KRIT1: variants seen among roughly 807,000 people sequenced by gnomAD.
KRIT1 encodes krev interaction trapped protein 1.
In KRIT1, 45 loss-of-function variants were observed where a neutral mutation model predicts 95.8. That is an observed-to-expected ratio of 0.47 (90% CI 0.37 to 0.60). The LOEUF (loss-of-function observed/expected upper bound fraction) is 0.60, where lower values mean the gene tolerates loss of function less well. Among genes scored for constraint, KRIT1 ranks in the 20% least tolerant of loss-of-function variants. The probability of loss-of-function intolerance (pLI) is 0.00; values close to 1 mark genes in which losing one functional copy is unlikely to be tolerated. For synonymous variants in KRIT1, 282 were observed against 278.8 expected (o/e 1.01, Z -0.11); for missense variants, 788 against 877.5 (o/e 0.90, Z 1.29).
intron 14 of KRIT1, among the ~76,000 whole-genome samples, chr7:92,218,595 G>A (rs1364953034): frequency 6.6e-6 from 1 of 152,000 alleles, no homozygotes; most frequent in African/African-American, 2.4e-5. Context: ...GCCCAGGCAT[G>A]TCTCAAATTC....
intron 12 of KRIT1, among the ~76,000 whole-genome samples, chr7:92,223,472 C>T (rs1297282740): frequency 1.3e-5 from 2 of 151,356 alleles, no homozygotes; most frequent in Non-Finnish European, 2.9e-5. Flanking sequence ...ATTTTACTTC[C>T]ATTACTTGTA....
intron 17 of KRIT1, among the ~76,000 whole-genome samples, chr7:92,209,214 CATAT>C (rs552815229): frequency 2.4e-4 from 37 of 151,722 alleles, no homozygotes; most frequent in African/African-American, 8.0e-4. Flanking sequence ...AAAGGCCATA[CATAT>C]ATGACAAACC....
chr7:92,204,911 T>C (rs114368355), intron 17 of KRIT1, among the ~76,000 whole-genome samples: 3,661 of 152,252 alleles, frequency 0.024, 160 homozygotes, highest in African/African-American at 0.084. Context: ...TTCCACCCTA[T>C]GTTCCTAGAT....
At chr7:92,224,009 A>G (rs958296392) in intron 12 of KRIT1, among the ~76,000 whole-genome samples, 2 of 152,248 alleles carry the variant, frequency 1.3e-5, no homozygotes, top group Non-Finnish European at 2.9e-5. Flanking sequence ...GAAGTATAAC[A>G]TAAGGGTACC....
intron 14 of KRIT1, among the ~76,000 whole-genome samples, chr7:92,215,925 G>A (rs531017842): frequency 5.9e-5 from 9 of 152,114 alleles, no homozygotes; most frequent in Non-Finnish European, 1.2e-4. Context: ...ACGATCCCAA[G>A]CTTGAATAAA....
chr7:92,213,781 T>C (rs1412425264), intron 16 of KRIT1, 111 bp downstream of exon 16: 1 of 725,062 alleles, frequency 1.4e-6, no homozygotes, highest in Non-Finnish European at 2.5e-6. Context: ...GAAGATACAT[T>C]TTTAATTTCA....
intron 10 of KRIT1, among the ~76,000 whole-genome samples, chr7:92,231,729 T>G (rs1408900126): frequency 1.3e-5 from 2 of 152,184 alleles, no homozygotes; most frequent in African/African-American, 4.8e-5. Flanking sequence ...AAATGAGGCA[T>G]CCAACTAATA....
chr7:92,200,925 G>A (rs933535672), intron 18 of KRIT1, 121 bp from the exon 19 acceptor site: 3 of 738,702 alleles, frequency 4.1e-6, no homozygotes, highest in Admixed American at 4.1e-5. Context: ...GAGACAGCTT[G>A]TTAAGAGAGA....
intron 17 of KRIT1, among the ~76,000 whole-genome samples, chr7:92,211,452 G>C (rs1035291605): frequency 6.6e-6 from 1 of 152,108 alleles, no homozygotes; most frequent in African/African-American, 2.4e-5. Flanking sequence ...TCTCATATAC[G>C]TGAGACGTTG....
In KRIT1 at chr7:92,234,464, A is replaced by G; in HGVS notation, c.974T>C (p.Ile325Thr). 1 of 1,606,444 alleles carries G rather than the reference A, an allele frequency of 6.2e-7. No individual in the cohort carries two copies. Among genetic ancestry groups the G allele is most frequent in the Non-Finnish European group, 8.5e-7 (1 of 1,172,962 alleles). Residue 325 changes from isoleucine to threonine, a missense_variant, in exon 10 of 19, where the codon ATT (isoleucine) becomes ACT (threonine). Ile to Thr is a moderately conservative substitution (Grantham distance 89). Transcript: ENST00000394505. ...NQLDSDHWAP[I>T]HYACWYGKVE... ...TTCCATTTACCAGCATGCATAATGA[A>G]TGGGTGCCCAGTGGTCACTATCTAA...
At chr7:92,208,134 G>A (rs1012989351) in intron 17 of KRIT1, among the ~76,000 whole-genome samples, 9 of 151,812 alleles carry the variant, frequency 5.9e-5, no homozygotes, top group Admixed American at 6.6e-5. Flanking sequence ...AATTAAGAAG[G>A]AAATAAAAAA....
In KRIT1 at chr7:92,225,744, C is replaced by T; in HGVS notation, c.1230G>A (p.Leu410=). The T allele has an allele frequency of 6.3e-7, 1 of 1,597,842 alleles. No individual in the cohort carries two copies. Among genetic ancestry groups the T allele is most frequent in the Non-Finnish European group, 8.6e-7 (1 of 1,165,558 alleles). ...CTGGTTTGTTAATTGCTTCCTTCAA[C>T]AATTTTGCAGCTTCTTCCCAGTTGT... The part of the protein sequence containing the change: ...KQNNWEEAAK[L]LKEAINKPYE... The change falls in exon 12 of 19, where the codon TTG becomes TTA. Residue 410 remains leucine (L), a synonymous_variant. Coordinates refer to ENST00000394505, the MANE Select transcript of KRIT1 (RefSeq NM_194454.3).
In KRIT1 at chr7:92,226,700, C is replaced by G; in HGVS notation, c.990-18G>C. The G allele has an allele frequency of 7.5e-6, 12 of 1,610,150 alleles. No individual in the cohort carries two copies. Among genetic ancestry groups the G allele is most frequent in the Non-Finnish European group, 1.0e-5 (12 of 1,178,270 alleles). On this transcript the variant is annotated intron_variant, in intron 10 of 18. Transcript: ENST00000394505. ...TTCCATACCTGTATAAAAAAACAAA[C>G]AAACAAAAAACAACAACAAAAAAAA...
intron 17 of KRIT1, among the ~76,000 whole-genome samples, chr7:92,203,262 G>A (rs1337306793): frequency 6.6e-6 from 1 of 152,202 alleles, no homozygotes; most frequent in Non-Finnish European, 1.5e-5. Flanking sequence ...TGCTAAGCTT[G>A]TTGAATGCAA....
At position 92,200,706 on chromosome 7, in the gene KRIT1, GTGGTGGCTT is replaced by G. The variant is rs1563209714; in HGVS notation, c.*21_*29del. ...GAAAAAAAACTCTGCATTACAAAAT[GTGGTGGCTT>G]GAGTAACAGTTACTTCTCTTTCATG... On this transcript the variant is annotated 3_prime_UTR_variant, in exon 19 of 19. Transcript: ENST00000394505. The G allele has an allele frequency of 7.1e-7, 1 of 1,409,606 alleles. No homozygotes were observed. The highest frequency in any genetic ancestry group is 1.0e-6 in the Non-Finnish European group (1 of 993,256). 87.3% of individuals were successfully genotyped at this position (1,409,606 alleles called of 1,614,324 possible). A position where few individuals can be genotyped will look rare whatever the true frequency, so the allele number is the denominator to read the frequency against.
At chr7:92,201,981 A>G (rs1268664885) in intron 17 of KRIT1, among the ~76,000 whole-genome samples, 1 of 152,178 alleles carries the variant, frequency 6.6e-6, no homozygotes, top group Non-Finnish European at 1.5e-5. Flanking sequence ...AAAGATGTCA[A>G]TTCTATCCAT....
chr7:92,226,633 T>C lies in KRIT1; in HGVS notation c.1039A>G (p.Asn347Asp). 1.2e-6 allele frequency: 2 copies of C among 1,613,466 alleles called. No homozygotes were observed. Among genetic ancestry groups the C allele is most frequent in the Non-Finnish European group, 8.5e-7 (1 of 1,179,524 alleles). The part of the protein sequence containing the change: ...TRILLEKGKC[N>D]PNLLNGQLSS... Reference sequence around the variant, plus strand: ...AGTTGTCCATTTAAAAGGTTTGGATTGCACTTTCCTTTCTCTAACAATATG... The same window carrying C: ...AGTTGTCCATTTAAAAGGTTTGGATCGCACTTTCCTTTCTCTAACAATATG... The change falls in exon 11 of 19, where the codon AAT becomes GAT. Residue 347 changes from asparagine (N) to aspartate (D), a missense_variant. Coordinates refer to ENST00000394505, the MANE Select transcript of KRIT1 (RefSeq NM_194454.3).
intron 17 of KRIT1, among the ~76,000 whole-genome samples, chr7:92,210,962 G>A (rs1232582266): frequency 6.6e-6 from 1 of 152,126 alleles, no homozygotes; most frequent in South Asian, 2.1e-4. Context: ...GGAAGTTCAA[G>A]TCAAAACCAC....
chr7:92,227,687 A>G (rs1796473864), intron 10 of KRIT1, among the ~76,000 whole-genome samples: 1 of 151,202 alleles, frequency 6.6e-6, no homozygotes, highest in Admixed American at 6.6e-5. Context: ...GGCATGCGCC[A>G]CCACGCCCAG....
Sources: gnomAD v4.1 joint callset for allele counts (sites outside exome capture counted in the v4.1 genomes callset) on GRCh38, gnomAD v4.1.1 for gene constraint, MANE v1.5 for transcripts, NCBI Gene and HGNC (gene_info 2026-07-23, HGNC 2026-07-21) for gene names.